SV2C: variants seen among roughly 807,000 people sequenced by gnomAD.
SV2C encodes the protein synaptic vesicle glycoprotein 2C.
SV2C carries 49 observed loss-of-function variants against 79.7 expected under a neutral mutation model. The ratio of observed to expected loss-of-function variants is 0.61; its 90% confidence interval spans 0.49 to 0.78. The LOEUF is 0.78. SV2C is among the 30% of genes least tolerant of loss of function. SV2C has a pLI of 0.00. For missense variants in SV2C, 833 were observed against 912.9 expected (o/e 0.91, Z 1.13); for synonymous variants, 334 against 333.2 (o/e 1.00, Z -0.03).
chr5:76,119,634 G>A (rs994909393), intron 1 of SV2C, among the ~76,000 whole-genome samples: 8 of 151,804 alleles, frequency 5.3e-5, no homozygotes, highest in South Asian at 2.1e-4. Flanking sequence ...TTGAGCCACC[G>A]ACAGAAAAAC....
chr5:76,009,673 C>T, the SV2C span, among the ~76,000 whole-genome samples: 3 of 152,134 alleles, frequency 2.0e-5, no homozygotes, highest in Admixed American at 6.6e-5. Flanking sequence ...CAAAATGCCA[C>T]GTGTTCTCCC....
intron 2 of SV2C, among the ~76,000 whole-genome samples, chr5:76,143,958 A>G (rs1749340571): frequency 6.6e-6 from 1 of 152,174 alleles, no homozygotes; most frequent in African/African-American, 2.4e-5. Flanking sequence ...TAAAGAGGAA[A>G]TGATTCACAT....
chr5:76,020,283 T>C, the SV2C span, among the ~76,000 whole-genome samples: 1 of 151,394 alleles, frequency 6.6e-6, no homozygotes, highest in Non-Finnish European at 1.5e-5. Context: ...CTGTGTCAAA[T>C]CCATCTACAC....
intron 4 of SV2C, among the ~76,000 whole-genome samples, chr5:76,251,268 C>T (rs1159888216): frequency 6.6e-6 from 1 of 152,030 alleles, no homozygotes; most frequent in Non-Finnish European, 1.5e-5. Context: ...TGTGTCCAGG[C>T]ATGGTGGCTC....
chr5:76,233,958 GT>G lies in SV2C; in HGVS notation c.913+24077del, dbSNP rs542222963. On this transcript the variant is annotated intron_variant, in intron 4 of 12. Transcript: ENST00000502798. ...ATTTTATTTCTTCTAGTCTTGGGAA[GT>G]TTTTTATTGAAATATTTTTTATGTC... Among the ~76,000 whole-genome samples the G allele has an allele frequency of 2.2e-3, 332 of 152,196 alleles. 1 individual carries two copies. Among genetic ancestry groups the G allele is most frequent in the African/African-American group, 7.6e-3 (315 of 41,530 alleles).
chr5:76,115,737 T>C (rs1273619989), intron 1 of SV2C, among the ~76,000 whole-genome samples: 4 of 152,224 alleles, frequency 2.6e-5, no homozygotes, highest in Non-Finnish European at 5.9e-5. Flanking sequence ...TTTGCTCCAC[T>C]AGGGTACATT....
At chr5:76,238,291 G>A (rs1272837037) in intron 4 of SV2C, among the ~76,000 whole-genome samples, 1 of 150,752 alleles carries the variant, frequency 6.6e-6, no homozygotes, top group African/African-American at 2.5e-5. Flanking sequence ...TTTCTAAGGA[G>A]GGGTGTGTGT....
chr5:76,182,687 C>G (rs771214267), intron 2 of SV2C, among the ~76,000 whole-genome samples: 18 of 152,168 alleles, frequency 1.2e-4, no homozygotes, highest in Non-Finnish European at 2.2e-4. Flanking sequence ...GATTCAGTGA[C>G]CTGCCCTAGT....
chr5:76,209,793 A>G lies in SV2C; in HGVS notation c.819A>G (p.Glu273=), dbSNP rs1744713989. ...ACTTTGCTGAAGTCCTGGCCCGGGA[A>G]AAGCGGGGCGAACACTTGAGCTGGC... ...FSYFAEVLAR[E]KRGEHLSWLC... Residue 273 remains glutamate (E), a synonymous_variant, in exon 4 of 13, where the codon GAA becomes GAG. Transcript: ENST00000502798. The G allele has an allele frequency of 1.2e-6, 2 of 1,614,104 alleles. No individual in the cohort carries two copies. Among genetic ancestry groups the G allele is most frequent in the Non-Finnish European group, 1.7e-6 (2 of 1,180,046 alleles).
chr5:76,350,805 A>G (rs1192923216), intron 12 of SV2C, among the ~76,000 whole-genome samples: 1 of 152,090 alleles, frequency 6.6e-6, no homozygotes. Flanking sequence ...CATGTGGTCA[A>G]GAGATCCAGA....
chr5:75,988,705 A>G, the SV2C span, among the ~76,000 whole-genome samples: 4 of 151,976 alleles, frequency 2.6e-5, no homozygotes, highest in African/African-American at 9.7e-5. Flanking sequence ...ACCCAGAACA[A>G]AAGGCCTGAA....
At chr5:75,995,204 A>G in the SV2C span, among the ~76,000 whole-genome samples, 1 of 152,134 alleles carries the variant, frequency 6.6e-6, no homozygotes. Context: ...ACCCTTACAG[A>G]CATACTTAGA....
At chr5:76,260,403 G>A (rs577637322) in intron 4 of SV2C, among the ~76,000 whole-genome samples, 3 of 152,138 alleles carry the variant, frequency 2.0e-5, no homozygotes, top group East Asian at 1.9e-4. Context: ...GCCTGTTCAC[G>A]CTGATGATAG....
chr5:76,029,197 A>G, the SV2C span, among the ~76,000 whole-genome samples: 9 of 152,360 alleles, frequency 5.9e-5, no homozygotes, highest in South Asian at 1.7e-3. Context: ...ACTAACTAAC[A>G]TATGCACTAC....
At chr5:76,078,967 T>C (rs1746932172), upstream of SV2C, 1 of 511,040 alleles carries the variant, frequency 2.0e-6, no homozygotes, top group Admixed American at 2.1e-5. Context: ...AATGAAAGAA[T>C]TGAGTCAAGA....
At chr5:76,159,014 G>A (rs759422060) in intron 2 of SV2C, among the ~76,000 whole-genome samples, 6 of 151,876 alleles carry the variant, frequency 4.0e-5, no homozygotes, top group Non-Finnish European at 5.9e-5. Context: ...GTAATGTACC[G>A]TATCAATAGA....
chr5:75,854,785 T>C, the SV2C span, among the ~76,000 whole-genome samples: 1 of 152,160 alleles, frequency 6.6e-6, no homozygotes, highest in Non-Finnish European at 1.5e-5. Flanking sequence ...CTGTGGTTAC[T>C]CAAAGTGGCA....
At chr5:75,955,658 C>T in the SV2C span, among the ~76,000 whole-genome samples, 68 of 147,994 alleles carry the variant, frequency 4.6e-4, no homozygotes, top group South Asian at 0.015. Flanking sequence ...TGACAAAGGG[C>T]TAATATCCAG....
chr5:76,152,608 T>TG (rs1749637887), intron 2 of SV2C, among the ~76,000 whole-genome samples: 1 of 152,156 alleles, frequency 6.6e-6, no homozygotes, highest in Non-Finnish European at 1.5e-5. Context: ...CAAATAGCAA[T>TG]TATAATGTGG....
Sources: allele counts gnomAD v4.1 joint callset (sites outside exome capture counted in the v4.1 genomes callset), GRCh38; gene constraint gnomAD v4.1.1; transcripts MANE v1.5; gene names NCBI Gene and HGNC (gene_info 2026-07-23, HGNC 2026-07-21).